SPEF2: variants seen among roughly 807,000 people sequenced by gnomAD.
SPEF2 encodes sperm flagella and cilia-associated protein 2.
A neutral mutation model predicts 224.6 loss-of-function variants in SPEF2; 187 were observed. That is an observed-to-expected ratio of 0.83 (90% CI 0.74 to 0.94). The LOEUF (loss-of-function observed/expected upper bound fraction) is 0.94. SPEF2 is among the 40% of genes least tolerant of loss of function. The pLI is 0.00. For synonymous variants in SPEF2, 715 were observed against 707.3 expected, an observed-to-expected ratio of 1.01 and a Z score of -0.17; for missense variants, 2,170 against 2,135.6, an observed-to-expected ratio of 1.02 and a Z score of -0.32.
chr5:35,744,221 G>C (rs139222149), intron 23 of SPEF2, among the ~76,000 whole-genome samples: 121 of 152,198 alleles, frequency 8.0e-4, no homozygotes, highest in Non-Finnish European at 1.3e-3. Context: ...TACAACTTTT[G>C]TAAGAATAGA....
At chr5:35,808,838 T>C (rs1262498471) in intron 36 of SPEF2, among the ~76,000 whole-genome samples, 2 of 148,220 alleles carry the variant, frequency 1.3e-5, no homozygotes, top group Non-Finnish European at 3.0e-5. Context: ...ATGTAACATA[T>C]ACATATATTT....
chr5:35,670,918 T>C (rs1263576740), intron 10 of SPEF2: 2 of 985,272 alleles, frequency 2.0e-6, no homozygotes, highest in African/African-American at 3.5e-5. Flanking sequence ...CTTAGCTGAG[T>C]GCACTTCATG....
At chr5:35,720,632 T>G (rs1743468551) in intron 20 of SPEF2, among the ~76,000 whole-genome samples, 1 of 152,184 alleles carries the variant, frequency 6.6e-6, no homozygotes, top group Admixed American at 6.5e-5. Context: ...TTTCAATAAC[T>G]TAACATAACA....
At chr5:35,674,463 G>C (rs1024344338) in intron 10 of SPEF2, among the ~76,000 whole-genome samples, 1 of 149,444 alleles carries the variant, frequency 6.7e-6, no homozygotes, top group African/African-American at 2.5e-5. Context: ...TGCCATGTTG[G>C]TGTGCTGTAC....
At chr5:35,687,405 T>C (rs1040341337) in intron 10 of SPEF2, among the ~76,000 whole-genome samples, 15 of 151,690 alleles carry the variant, frequency 9.9e-5, no homozygotes, top group Admixed American at 9.8e-4. Context: ...ATTACTTTCC[T>C]TTTAAAGTAT....
At chr5:35,711,985 A>G (rs1431947483) in intron 19 of SPEF2, among the ~76,000 whole-genome samples, 1 of 152,132 alleles carries the variant, frequency 6.6e-6, no homozygotes, top group African/African-American at 2.4e-5. Context: ...TTTTAAAGGA[A>G]CAAACTCATT....
At chr5:35,799,927 G>C in intron 33 of SPEF2, 41 bp from the exon 34 acceptor site, 2 of 1,606,984 alleles carry the variant, frequency 1.2e-6, no homozygotes, top group Middle Eastern at 1.7e-4. Flanking sequence ...CTGACTATGA[G>C]AGTGCACCCA....
chr5:35,701,410 A>G (rs540424324), intron 16 of SPEF2, among the ~76,000 whole-genome samples: 90 of 152,270 alleles, frequency 5.9e-4, no homozygotes, highest in Admixed American at 2.3e-3. Flanking sequence ...GGCTCATTGT[A>G]TTGTTATGGG....
In SPEF2 at chr5:35,654,542, C is replaced by T. The variant is rs1384522046; in HGVS notation, c.794C>T (p.Ala265Val). 6.4e-7 allele frequency: 1 copy of T among 1,560,194 alleles called. No homozygotes were observed. The stretch of plus-strand genomic sequence containing the variant: ...AAAATAAAAACTATTATTCTTAGTG[C>T]ATCCAAGACTTCTTTAGATACAGCA... ...IKKDLQAKESASKTSLDTAGQ... is the reference protein window; with the variant it reads ...IKKDLQAKESVSKTSLDTAGQ... Residue 265 changes from alanine to valine, a missense_variant and splice_region_variant, in exon 7 of 37, where the codon GCA (alanine) becomes GTA (valine). Physicochemically the swap from Ala to Val is moderately conservative, Grantham distance 64. Coordinates refer to ENST00000356031, the MANE Select transcript of SPEF2 (RefSeq NM_024867.4).
At chr5:35,724,380 A>C (rs965035046) in intron 20 of SPEF2, among the ~76,000 whole-genome samples, 2 of 152,192 alleles carry the variant, frequency 1.3e-5, no homozygotes, top group African/African-American at 4.8e-5. Flanking sequence ...ACTGAAGTTT[A>C]AAAAATTTTA....
In SPEF2 at chr5:35,807,246, A is replaced by C. The variant is rs546674187; in HGVS notation, c.5372A>C (p.Lys1791Thr). The change falls in exon 36 of 37, where the codon AAG becomes ACG. Residue 1791 changes from lysine to threonine, a missense_variant. Physicochemically the swap from Lys to Thr is moderately conservative, Grantham distance 78. Transcript: ENST00000356031. ...QDLISNYSDY[K>T]FPDIKIILQR... ...CTGATTTCAAATTATTCAGACTATA[A>C]GTTTCCTGTGAGTATTACCCCAAAG... 1 of 1,611,964 alleles carries C rather than the reference A, an allele frequency of 6.2e-7. No individual in the cohort carries two copies. Among genetic ancestry groups the C allele is most frequent in the African/African-American group, 1.3e-5 (1 of 74,882 alleles).
chr5:35,620,857 G>A (rs1743405431), intron 1 of SPEF2, among the ~76,000 whole-genome samples: 2 of 152,164 alleles, frequency 1.3e-5, no homozygotes, highest in Non-Finnish European at 2.9e-5. Flanking sequence ...ATTTATATGA[G>A]CATGAAGAAA....
At chr5:35,799,533 T>A in intron 33 of SPEF2, among the ~76,000 whole-genome samples, 1 of 152,168 alleles carries the variant, frequency 6.6e-6, no homozygotes, top group Admixed American at 6.5e-5. Flanking sequence ...AGAATCCCAG[T>A]GGCTTTAGGC....
At chr5:35,644,657 CCCT>C in intron 4 of SPEF2, 132 bp downstream of exon 4, 1 of 589,298 alleles carries the variant, frequency 1.7e-6, no homozygotes, top group Non-Finnish European at 2.7e-6. Context: ...CTTTGTCCTG[CCCT>C]ACTCTCACCC....
intron 2 of SPEF2, among the ~76,000 whole-genome samples, chr5:35,630,695 CA>C: frequency 6.7e-6 from 1 of 149,396 alleles, no homozygotes; most frequent in East Asian, 1.9e-4. Context: ...GACTCCGTCT[CA>C]AAAAAAGAAA....
chr5:35,664,763 GGA>G (rs138564199), intron 8 of SPEF2, among the ~76,000 whole-genome samples: 77 of 142,076 alleles, frequency 5.4e-4, no homozygotes, highest in African/African-American at 1.5e-3. Context: ...GAAGGAAGGA[GGA>G]GAGAGAGAGA....
At chr5:35,719,554 T>TG (rs932875800) in intron 20 of SPEF2, among the ~76,000 whole-genome samples, 16 of 152,064 alleles carry the variant, frequency 1.1e-4, no homozygotes, top group Non-Finnish European at 1.6e-4. Flanking sequence ...ACCTGTGAGG[T>TG]GGGTGGCCCT....
Position 35,790,001 on chromosome 5 carries a change from T to C in SPEF2, c.4448-2339T>C, listed in dbSNP as rs1265438449. 1.6e-5 allele frequency: 11 copies of C among 700,302 alleles called. No homozygotes were observed. The East Asian group carries it at 2.7e-4, about 17-fold the overall frequency. 43.4% of individuals were successfully genotyped at this position (700,302 alleles called of 1,614,324 possible). ...GTAAAACTTGGGAGTCTCAATCTTT[T>C]ACATTTCTTCTCCTCCCTCCTAGAT... On this transcript the variant is annotated intron_variant, in intron 30 of 36. Coordinates refer to ENST00000356031, the MANE Select transcript of SPEF2 (RefSeq NM_024867.4).
At chr5:35,627,530 GTCAGAGGTTGTAGATCAGGCCACTGCAC>G (rs951866025) in intron 1 of SPEF2, among the ~76,000 whole-genome samples, 5 of 152,100 alleles carry the variant, frequency 3.3e-5, no homozygotes, top group African/African-American at 1.2e-4. Flanking sequence ...GAACCCAGGA[GTCAGAGGTTGTAGATCAGGCCACTGCAC>G]TCAGAGGTTG....
Sources: gnomAD v4.1 joint callset for allele counts (sites outside exome capture counted in the v4.1 genomes callset) on GRCh38, gnomAD v4.1.1 for gene constraint, MANE v1.5 for transcripts, NCBI Gene and HGNC (gene_info 2026-07-23, HGNC 2026-07-21) for gene names.